Variants in MEF2A observed in about 807,000 individuals in gnomAD.
The protein encoded by MEF2A is myocyte-specific enhancer factor 2A.
MEF2A carries 28 observed loss-of-function variants against 55.8 expected under a neutral mutation model. The ratio of observed to expected loss-of-function variants is 0.50; its 90% CI spans 0.37 to 0.69. The LOEUF (loss-of-function observed/expected upper bound fraction) is 0.69, where lower values mean the gene tolerates loss of function less well. Ranked by LOEUF, MEF2A falls within the 30% of genes least tolerant of loss-of-function variation. The pLI is 0.00. For missense variants in MEF2A, 528 were observed against 626.2 expected, an observed-to-expected ratio of 0.84 and a Z score of 1.67; for synonymous variants, 239 against 227.1, an observed-to-expected ratio of 1.05 and a Z score of -0.47.
At chr15:99,585,216 A>G (rs1183589830) in intron 1 of MEF2A, among the ~76,000 whole-genome samples, 1 of 152,174 alleles carries the variant, frequency 6.6e-6, no homozygotes, top group African/African-American at 2.4e-5. Flanking sequence ...TTCAGGGTTA[A>G]GGTTATACAA....
chr15:99,570,911 G>T (rs559306146), intron 1 of MEF2A, among the ~76,000 whole-genome samples: 1 of 152,142 alleles, frequency 6.6e-6, no homozygotes, highest in Non-Finnish European at 1.5e-5. Flanking sequence ...CTGGCTGGGC[G>T]CGGTGGCTCA....
chr15:99,592,985 A>G (rs1969863922), intron 1 of MEF2A, among the ~76,000 whole-genome samples: 1 of 152,226 alleles, frequency 6.6e-6, no homozygotes, highest in Admixed American at 6.5e-5. Context: ...CTGAAGTGAT[A>G]ATATTATGAG....
At chr15:99,687,530 C>G (rs2054525408) in intron 7 of MEF2A, among the ~76,000 whole-genome samples, 1 of 152,180 alleles carries the variant, frequency 6.6e-6, no homozygotes, top group Admixed American at 6.5e-5. Context: ...TCTGCTCTGC[C>G]ATTCCTCACT....
rs1317131018 is a variant in MEF2A, at chr15:99,661,220, C to T, written c.259-10103C>T. Among the ~76,000 whole-genome samples, 6 of 152,186 alleles carry T rather than the reference C, an allele frequency of 3.9e-5. No homozygotes were observed. In the South Asian group the frequency reaches 6.2e-4, roughly 16 times the overall value. On this transcript the variant is annotated intron_variant, in intron 4 of 11. Transcript: ENST00000557942. ...CCTCAGATTTTATACAAAATTACCT[C>T]CAGGATGCTTATAGACCTAAATGTA...
intron 2 of MEF2A, among the ~76,000 whole-genome samples, chr15:99,601,442 C>G (rs528123420): frequency 6.7e-6 from 1 of 149,968 alleles, no homozygotes; most frequent in South Asian, 2.1e-4. Context: ...GTGGTGAGAA[C>G]TAACATCCTT....
At chr15:99,642,031 T>A (rs1211809465) in intron 3 of MEF2A, among the ~76,000 whole-genome samples, 4 of 152,212 alleles carry the variant, frequency 2.6e-5, no homozygotes, top group Non-Finnish European at 5.9e-5. Flanking sequence ...TTTTTGCCCC[T>A]AACAAGGGCT....
At position 99,714,123 on chromosome 15, in the gene MEF2A, C is replaced by T. The variant is rs940142753; in HGVS notation, c.*1352C>T. On this transcript the variant is annotated 3_prime_UTR_variant, in exon 12 of 12. Coordinates refer to ENST00000557942, the MANE Select transcript of MEF2A (RefSeq NM_001319206.4). ...GTGATGTTACATTGTAATCTTTGTG[C>T]TGTATGGGTTGAGCATCATTATATA... 6.6e-6 allele frequency: 1 copy of T among 152,038 alleles called. No individual in the cohort carries two copies. The highest frequency in any genetic ancestry group is 2.4e-5 in the African/African-American group (1 of 41,394). The allele number at this position is 152,038 out of a possible 1,614,324, so 9.4% of individuals were successfully genotyped here. A position where few individuals can be genotyped will look rare whatever the true frequency, so the allele number is the denominator to read the frequency against.
intron 1 of MEF2A, among the ~76,000 whole-genome samples, chr15:99,581,770 C>T (rs1966006695): frequency 6.6e-6 from 1 of 152,060 alleles, no homozygotes; most frequent in Admixed American, 6.5e-5. Context: ...AAATCTTACA[C>T]ATGATAATGG....
intron 7 of MEF2A, among the ~76,000 whole-genome samples, chr15:99,679,919 T>A (rs1167693548): frequency 2.0e-5 from 3 of 152,216 alleles, no homozygotes; most frequent in African/African-American, 7.2e-5. Flanking sequence ...AGAAAATGTA[T>A]AGACACTCAA....
Position 99,676,448 on chromosome 15 carries a change from G to GT in MEF2A, c.670+991dup, listed in dbSNP as rs1567410290. 6.1e-5 allele frequency among the ~76,000 whole-genome samples: 9 copies of GT among 148,630 alleles called. No individual in the cohort carries two copies. In the South Asian group the frequency reaches 1.7e-3, roughly 28 times the overall value. The stretch of plus-strand genomic sequence containing the variant: ...ATAAGTTCAGGGCCCACCAAGAATT[G>GT]TGAGAGCCTAATATGCTTCTCTCAC... On this transcript the variant is annotated intron_variant, in intron 7 of 11. Transcript: ENST00000557942.
At chr15:99,703,339 T>G in intron 8 of MEF2A, 23 bp from the exon 9 acceptor site, 1 of 1,612,652 alleles carries the variant, frequency 6.2e-7, no homozygotes, top group Non-Finnish European at 8.5e-7. Context: ...AACTCTCTTA[T>G]CCCTCTTATG....
intron 1 of MEF2A, among the ~76,000 whole-genome samples, chr15:99,597,539 G>T (rs191542688): frequency 2.0e-5 from 3 of 151,890 alleles, no homozygotes; most frequent in East Asian, 3.9e-4. Context: ...TCGTGATCTC[G>T]CCCTGCCTCC....
At chr15:99,576,288 C>G (rs912909785) in intron 1 of MEF2A, among the ~76,000 whole-genome samples, 1 of 152,150 alleles carries the variant, frequency 6.6e-6, no homozygotes, top group African/African-American at 2.4e-5. Context: ...AAAGTGTTAA[C>G]AATTTAAATA....
intron 8 of MEF2A, among the ~76,000 whole-genome samples, chr15:99,702,678 C>T (rs2057556626): frequency 6.6e-6 from 1 of 152,080 alleles, no homozygotes; most frequent in African/African-American, 2.4e-5. Context: ...CGTGCCCAGC[C>T]TTATTTCTTT....
Position 99,711,742 on chromosome 15 carries a change from TG to T in MEF2A, c.1137-646del, listed in dbSNP as rs1349582697. ...AGTGGTCTTCTTAGGAATTATGTCA[TG>T]GAAAAAGCAGCAGAGTATCTCAGGG... is the stretch of plus-strand genomic sequence containing the variant. On this transcript the variant is annotated intron_variant, in intron 11 of 11. Transcript: ENST00000557942. Among the ~76,000 whole-genome samples, 16 of 152,282 alleles carry T rather than the reference TG, an allele frequency of 1.1e-4. No individual in the cohort carries two copies. In the South Asian group the frequency reaches 3.3e-3, roughly 32 times the overall value.
intron 2 of MEF2A, among the ~76,000 whole-genome samples, chr15:99,602,860 T>C (rs1444738666): frequency 6.6e-6 from 1 of 151,778 alleles, no homozygotes; most frequent in Non-Finnish European, 1.5e-5. Flanking sequence ...GTAACAAAAC[T>C]ATGAATTTGG....
intron 8 of MEF2A, among the ~76,000 whole-genome samples, chr15:99,694,353 C>G (rs1436552032): frequency 6.6e-6 from 1 of 152,188 alleles, no homozygotes; most frequent in Admixed American, 6.5e-5. Flanking sequence ...TATCCCTTAT[C>G]TGATACTCAG....
At chr15:99,691,154 A>AGAAG (rs1440661903) in intron 8 of MEF2A, among the ~76,000 whole-genome samples, 13 of 148,696 alleles carry the variant, frequency 8.7e-5, no homozygotes, top group Non-Finnish European at 1.2e-4. Flanking sequence ...TAGCCAAGAA[A>AGAAG]GAAGGAAGGA....
At chr15:99,658,444 T>C (rs1232403372) in intron 4 of MEF2A, among the ~76,000 whole-genome samples, 1 of 152,096 alleles carries the variant, frequency 6.6e-6, no homozygotes, top group Non-Finnish European at 1.5e-5. Context: ...GGATCATGTT[T>C]AGAAGTTCTA....
Sources: gnomAD v4.1 joint callset for allele counts (sites outside exome capture counted in the v4.1 genomes callset) on GRCh38, gnomAD v4.1.1 for gene constraint, MANE v1.5 for transcripts, NCBI Gene and HGNC (gene_info 2026-07-23, HGNC 2026-07-21) for gene names.